Variants in TVP23C observed in about 807,000 individuals in gnomAD.
The protein encoded by TVP23C is trans-golgi network vesicle protein 23 homolog C.
In TVP23C, 19 loss-of-function variants were observed where a neutral mutation model predicts 28.7. That is an observed-to-expected ratio of 0.66 (90% confidence interval 0.46 to 0.97). The LOEUF (loss-of-function observed/expected upper bound fraction) is 0.97, where lower values mean the gene tolerates loss of function less well. TVP23C is among the 50% of genes least tolerant of loss of function. TVP23C has a pLI of 0.00. For missense variants in TVP23C, 186 were observed against 241.3 expected (o/e 0.77, Z 1.52); for synonymous variants, 68 against 81.7 (o/e 0.83, Z 0.90).
At chr17:15,524,060 T>TGGGG (rs149902125) in intron 5 of TVP23C, among the ~76,000 whole-genome samples, 1 of 125,554 alleles carries the variant, frequency 8.0e-6, no homozygotes, top group Non-Finnish European at 1.7e-5. Context: ...TGTAGCAGAG[T>TGGGG]GGGGTGTGTG....
intron 5 of TVP23C, among the ~76,000 whole-genome samples, chr17:15,529,404 T>C (rs1285275276): frequency 6.6e-6 from 1 of 151,804 alleles, no homozygotes; most frequent in Non-Finnish European, 1.5e-5. Context: ...GTGAGCCGAG[T>C]CAGCGCCACT....
intron 5 of TVP23C, among the ~76,000 whole-genome samples, chr17:15,544,972 A>G (rs1156507201): frequency 6.6e-6 from 1 of 152,202 alleles, no homozygotes; most frequent in Admixed American, 6.5e-5. Context: ...CATATCAGAT[A>G]TAAGATAGAA....
intron 5 of TVP23C, among the ~76,000 whole-genome samples, chr17:15,531,968 G>A (rs1480510829): frequency 3.3e-5 from 5 of 151,988 alleles, no homozygotes; most frequent in African/African-American, 7.3e-5. Context: ...ACCTTTCCTC[G>A]ACTAATTCTG....
intron 5 of TVP23C, among the ~76,000 whole-genome samples, chr17:15,505,782 G>A (rs762798379): frequency 2.1e-5 from 3 of 140,310 alleles, no homozygotes; most frequent in African/African-American, 5.4e-5. Context: ...GGCGGGCCCC[G>A]CACTCGGAGC....
chr17:15,509,864 T>A (rs8076852), intron 5 of TVP23C, among the ~76,000 whole-genome samples: 73,797 of 152,064 alleles, frequency 0.49, 18,942 homozygotes, highest in Middle Eastern at 0.62. Flanking sequence ...ACTGTGCTCT[T>A]GCCTCACCCT....
exon 6 of TVP23C, chr17:15,502,798 C>A: frequency 1.4e-6 from 2 of 1,462,358 alleles, no homozygotes; most frequent in South Asian, 2.8e-5. Flanking sequence ...TCTCTCCTCT[C>A]TCCTCTCTCT....
At chr17:15,546,790 T>A (rs1462985367) in intron 4 of TVP23C, among the ~76,000 whole-genome samples, 1 of 150,614 alleles carries the variant, frequency 6.6e-6, no homozygotes, top group Non-Finnish European at 1.5e-5. Flanking sequence ...AGATCTTTTA[T>A]CAGCAATCCC....
chr17:15,531,618 A>T (rs1408686126), intron 5 of TVP23C, among the ~76,000 whole-genome samples: 1 of 152,104 alleles, frequency 6.6e-6, no homozygotes, highest in African/African-American at 2.4e-5. Context: ...CATGTTTTCT[A>T]TTTACTGATA....
intron 5 of TVP23C, among the ~76,000 whole-genome samples, chr17:15,521,938 C>T (rs1982499120): frequency 6.6e-6 from 1 of 152,176 alleles, no homozygotes. Context: ...GTAAGGAATA[C>T]ACGAGAGTAA....
At chr17:15,542,125 A>T (rs1432735411) in intron 5 of TVP23C, among the ~76,000 whole-genome samples, 1 of 152,260 alleles carries the variant, frequency 6.6e-6, no homozygotes. Flanking sequence ...AGCTCTACAT[A>T]GCTCCAAACT....
intron 5 of TVP23C, among the ~76,000 whole-genome samples, chr17:15,508,184 G>A (rs538861095): frequency 6.6e-6 from 1 of 152,124 alleles, no homozygotes; most frequent in Non-Finnish European, 1.5e-5. Context: ...TCCTCTGCTG[G>A]GTTGAAGGCA....
intron 5 of TVP23C, among the ~76,000 whole-genome samples, chr17:15,512,148 T>C (rs963380679): frequency 6.6e-6 from 1 of 152,156 alleles, no homozygotes; most frequent in African/African-American, 2.4e-5. Context: ...ATTTACATGG[T>C]TATTGGAAGG....
chr17:15,522,599 A>C (rs1045253956), intron 5 of TVP23C, among the ~76,000 whole-genome samples: 2 of 152,262 alleles, frequency 1.3e-5, no homozygotes, highest in African/African-American at 4.8e-5. Context: ...AGATAATTTT[A>C]AAAGATAAAT....
At position 15,539,338 on chromosome 17, in the gene TVP23C, T is replaced by C. The variant is rs1983301301; in HGVS notation, c.*1074A>G. On this transcript the variant is annotated 3_prime_UTR_variant, in exon 6 of 6. Coordinates refer to ENST00000518321, the MANE Select transcript of TVP23C (RefSeq NM_001135036.2). The stretch of plus-strand genomic sequence containing the variant: ...AAGACCTAGTCACGGCCAGGCGCCG[T>C]GGCTCACGCCTGTAATCCCAGCACT... 2 of 984,872 alleles carry C rather than the reference T, an allele frequency of 2.0e-6. No homozygotes were observed. Among genetic ancestry groups the C allele is most frequent in the Non-Finnish European group, 2.4e-6 (2 of 829,410 alleles). The allele number at this position is 984,872 out of a possible 1,614,324, so 61.0% of individuals were successfully genotyped here.
chr17:15,562,131 A>T (rs1984425211), intron 1 of TVP23C: 1 of 152,254 alleles, frequency 6.6e-6, no homozygotes, highest in Admixed American at 6.5e-5. Context: ...AGGCTGCTCT[A>T]TGGAGTAGCC....
downstream of TVP23C, among the ~76,000 whole-genome samples, chr17:15,532,796 T>C (rs1378194437): frequency 6.6e-6 from 1 of 152,208 alleles, no homozygotes; most frequent in Admixed American, 6.5e-5. Context: ...GCAGCATCTA[T>C]AGGATTTCTC....
chr17:15,505,894 G>T (rs577437906), intron 5 of TVP23C, among the ~76,000 whole-genome samples: 1 of 152,240 alleles, frequency 6.6e-6, no homozygotes, highest in Non-Finnish European at 1.5e-5. Flanking sequence ...CGCTGTGCTC[G>T]ATTTCTCACC....
intron 5 of TVP23C, among the ~76,000 whole-genome samples, chr17:15,504,504 T>A (rs1981634729): frequency 6.6e-6 from 1 of 152,160 alleles, no homozygotes; most frequent in Admixed American, 6.5e-5. Context: ...GCGCGGAAGA[T>A]GAGGCAGCTT....
exon 6 of TVP23C, chr17:15,502,421 A>C (rs1981483928): frequency 6.2e-6 from 1 of 161,784 alleles, no homozygotes; most frequent in East Asian, 1.7e-4. Context: ...ACGCAGCCAC[A>C]CGCAGAGAAG....
Sources: allele counts gnomAD v4.1 joint callset (sites outside exome capture counted in the v4.1 genomes callset), GRCh38; gene constraint gnomAD v4.1.1; transcripts MANE v1.5; gene names NCBI Gene and HGNC (gene_info 2026-07-23, HGNC 2026-07-21).